Variants in ELMO1 observed in about 807,000 individuals in gnomAD.
ELMO1 encodes engulfment and cell motility protein 1.
A neutral mutation model predicts 98.9 loss-of-function variants in ELMO1; 26 were observed. The observed-to-expected ratio is 0.26, with a 90% CI of 0.19 to 0.36. ELMO1 has a LOEUF of 0.36. Among genes scored for constraint, ELMO1 ranks in the 10% least tolerant of loss-of-function variants. The pLI, the probability that ELMO1 is intolerant of heterozygous loss-of-function variation, is 1.00. For missense variants in ELMO1, 627 were observed against 935.2 expected (o/e 0.67, Z 4.30); for synonymous variants, 346 against 346.0 (o/e 1.00, Z 0.00).
intron 13 of ELMO1, among the ~76,000 whole-genome samples, chr7:37,151,451 G>C (rs940923234): frequency 6.6e-6 from 1 of 151,934 alleles, no homozygotes; most frequent in Non-Finnish European, 1.5e-5. Context: ...TTGAGAACTG[G>C]GTAACAAAAT....
chr7:37,041,933 T>C (rs1383231550), intron 15 of ELMO1, among the ~76,000 whole-genome samples: 1 of 152,188 alleles, frequency 6.6e-6, no homozygotes, highest in Non-Finnish European at 1.5e-5. Context: ...ATTCATCATT[T>C]ACATTTCACG....
intron 1 of ELMO1, among the ~76,000 whole-genome samples, chr7:37,366,395 A>AGAGACACCTCAC (rs1433671542): frequency 7.2e-5 from 11 of 152,232 alleles, no homozygotes; most frequent in African/African-American, 2.7e-4. Context: ...CATCACACGT[A>AGAGACACCTCAC]GGGTCTCTGT....
At chr7:37,271,227 C>G (rs1186086321) in intron 5 of ELMO1, 1 of 152,882 alleles carries the variant, frequency 6.5e-6, no homozygotes, top group Non-Finnish European at 1.5e-5. Flanking sequence ...GCATGAGCCA[C>G]CGCGCCCAGC....
At chr7:36,878,497 G>A (rs1804152783) in intron 18 of ELMO1, among the ~76,000 whole-genome samples, 2 of 152,144 alleles carry the variant, frequency 1.3e-5, no homozygotes, top group South Asian at 4.1e-4. Context: ...AGATTTCTCA[G>A]AATGTTTCTG....
intron 16 of ELMO1, among the ~76,000 whole-genome samples, chr7:36,895,841 C>A (rs1373927055): frequency 6.6e-6 from 1 of 152,152 alleles, no homozygotes; most frequent in African/African-American, 2.4e-5. Context: ...CAAGTGATAC[C>A]ATTTATAGGT....
chr7:37,375,282 A>C (rs1802287712), intron 1 of ELMO1, among the ~76,000 whole-genome samples: 1 of 152,222 alleles, frequency 6.6e-6, no homozygotes, highest in Admixed American at 6.5e-5. Flanking sequence ...TAGTAAACAA[A>C]TATTAAATGG....
At chr7:37,389,832 A>G (rs1403812233) in intron 1 of ELMO1, among the ~76,000 whole-genome samples, 2 of 152,142 alleles carry the variant, frequency 1.3e-5, no homozygotes, top group African/African-American at 4.8e-5. Flanking sequence ...CGAGATTCTT[A>G]CTAATTCTCC....
At chr7:37,133,075 G>C in intron 14 of ELMO1, 55 bp downstream of exon 14, 1 of 1,412,390 alleles carries the variant, frequency 7.1e-7, no homozygotes, top group South Asian at 1.3e-5. Context: ...TTGTGAGTTT[G>C]AAATTAACAT....
chr7:37,315,394 C>A (rs1490486115), intron 3 of ELMO1, among the ~76,000 whole-genome samples: 3 of 152,134 alleles, frequency 2.0e-5, no homozygotes, highest in Non-Finnish European at 4.4e-5. Flanking sequence ...TCAGTTAACA[C>A]AACTATTTTC....
chr7:37,060,091 G>T (rs1371711789), intron 15 of ELMO1, among the ~76,000 whole-genome samples: 1 of 152,180 alleles, frequency 6.6e-6, no homozygotes, highest in Non-Finnish European at 1.5e-5. Context: ...AGTCCCATGA[G>T]GTAAGAATTA....
intron 2 of ELMO1, among the ~76,000 whole-genome samples, chr7:37,341,473 C>T (rs1800717216): frequency 6.6e-6 from 1 of 152,170 alleles, no homozygotes; most frequent in African/African-American, 2.4e-5. Flanking sequence ...GTATAGGTTC[C>T]TTCTTGAGTC....
At chr7:37,059,016 G>C (rs1313250076) in intron 15 of ELMO1, among the ~76,000 whole-genome samples, 1 of 152,154 alleles carries the variant, frequency 6.6e-6, no homozygotes, top group Non-Finnish European at 1.5e-5. Flanking sequence ...GGCTCAGGAT[G>C]TCCCACTCGG....
At chr7:37,056,547 C>T (rs75337169) in intron 15 of ELMO1, among the ~76,000 whole-genome samples, 2,383 of 152,280 alleles carry the variant, frequency 0.016, 72 homozygotes, top group African/African-American at 0.055. Flanking sequence ...AAAAGGATGA[C>T]ATGGAAAATT....
At chr7:36,924,587 C>G (rs1785388235) in intron 16 of ELMO1, among the ~76,000 whole-genome samples, 1 of 152,204 alleles carries the variant, frequency 6.6e-6, no homozygotes, top group Non-Finnish European at 1.5e-5. Context: ...GCTGAAGCAG[C>G]ACATTTGGCA....
chr7:37,065,303 C>T (rs1221079331), intron 15 of ELMO1, among the ~76,000 whole-genome samples: 1 of 152,062 alleles, frequency 6.6e-6, no homozygotes, highest in Non-Finnish European at 1.5e-5. Flanking sequence ...CATGCATCCA[C>T]CTGTGGCTAC....
intron 19 of ELMO1, among the ~76,000 whole-genome samples, chr7:36,872,696 C>T (rs933846054): frequency 6.6e-6 from 1 of 152,160 alleles, no homozygotes; most frequent in Non-Finnish European, 1.5e-5. Context: ...CTGCCTAATC[C>T]CTACCGTAGG....
At chr7:37,335,570 C>T (rs914399918) in intron 2 of ELMO1, among the ~76,000 whole-genome samples, 3 of 152,072 alleles carry the variant, frequency 2.0e-5, no homozygotes, top group African/African-American at 7.2e-5. Context: ...TTTTTTTAAA[C>T]TGATAAACTT....
At chr7:37,217,004 G>T (rs1793320378) in intron 10 of ELMO1, among the ~76,000 whole-genome samples, 1 of 152,174 alleles carries the variant, frequency 6.6e-6, no homozygotes, top group African/African-American at 2.4e-5. Context: ...ACAAAGCAAT[G>T]GCTATTAGAA....
At chr7:37,122,246 A>G (rs1381292395) in intron 14 of ELMO1, among the ~76,000 whole-genome samples, 1 of 152,216 alleles carries the variant, frequency 6.6e-6, no homozygotes, top group African/African-American at 2.4e-5. Context: ...CAAAATAACC[A>G]GCCAACATCA....
Sources: gnomAD v4.1 joint callset for allele counts (sites outside exome capture counted in the v4.1 genomes callset) on GRCh38, gnomAD v4.1.1 for gene constraint, MANE v1.5 for transcripts, NCBI Gene and HGNC (gene_info 2026-07-23, HGNC 2026-07-21) for gene names.